Variants in LINGO2 observed in about 807,000 individuals in gnomAD.
LINGO2 encodes leucine rich repeat and Ig domain containing 2.
A neutral mutation model predicts 30.6 loss-of-function variants in LINGO2; 14 were observed. That is an observed-to-expected ratio of 0.46 (90% CI 0.30 to 0.72). LINGO2 has a LOEUF of 0.72. LINGO2 is among the 30% of genes least tolerant of loss of function. The pLI is 0.07. For synonymous variants in LINGO2, 317 were observed against 288.5 expected, an observed-to-expected ratio of 1.10 and a Z score of -1.00; for missense variants, 729 against 751.7, an observed-to-expected ratio of 0.97 and a Z score of 0.35.
intron 4 of LINGO2, among the ~76,000 whole-genome samples, chr9:28,106,597 G>A (rs1586998055): frequency 6.6e-6 from 1 of 152,064 alleles, no homozygotes; most frequent in South Asian, 2.1e-4. Context: ...CAAGTTTACT[G>A]CTCTAGTCTT....
At chr9:28,579,061 C>T (rs1039729907) in intron 1 of LINGO2, among the ~76,000 whole-genome samples, 1 of 150,134 alleles carries the variant, frequency 6.7e-6, no homozygotes, top group South Asian at 2.1e-4. Context: ...CATAAGAGCT[C>T]TTTTTTTTTT....
At chr9:28,559,958 T>A (rs528341486) in intron 1 of LINGO2, among the ~76,000 whole-genome samples, 1 of 151,704 alleles carries the variant, frequency 6.6e-6, no homozygotes, top group Non-Finnish European at 1.5e-5. Flanking sequence ...CATCTGTACA[T>A]AGAGTAGAGG....
chr9:28,068,820 C>G (rs937205347), intron 4 of LINGO2, among the ~76,000 whole-genome samples: 15 of 152,084 alleles, frequency 9.9e-5, no homozygotes, highest in Non-Finnish European at 1.6e-4. Context: ...TACAATGCAA[C>G]AAGGTACTAT....
At chr9:28,513,067 C>T (rs1362291349) in intron 1 of LINGO2, among the ~76,000 whole-genome samples, 2 of 149,352 alleles carry the variant, frequency 1.3e-5, no homozygotes, top group East Asian at 2.0e-4. Flanking sequence ...CAAGTTGATG[C>T]TCAGTATTAA....
chr9:28,896,819 T>C, the LINGO2 span, among the ~76,000 whole-genome samples: 1 of 152,122 alleles, frequency 6.6e-6, no homozygotes, highest in Non-Finnish European at 1.5e-5. Flanking sequence ...GCCATTATGT[T>C]GCCCTATCTC....
At chr9:28,062,406 A>G (rs1825171989) in intron 4 of LINGO2, among the ~76,000 whole-genome samples, 1 of 146,670 alleles carries the variant, frequency 6.8e-6, no homozygotes, top group Admixed American at 6.8e-5. Flanking sequence ...TATATCACAT[A>G]TATACTATAT....
At chr9:29,133,160 T>A in the LINGO2 span, among the ~76,000 whole-genome samples, 8 of 152,196 alleles carry the variant, frequency 5.3e-5, no homozygotes. Flanking sequence ...AAGTACTCAA[T>A]AAGCATCTTC....
the LINGO2 span, among the ~76,000 whole-genome samples, chr9:29,183,329 A>G: frequency 2.0e-5 from 3 of 152,202 alleles, no homozygotes; most frequent in Non-Finnish European, 4.4e-5. Context: ...ATGTCCCAAC[A>G]TCACTCTGAT....
At chr9:28,404,960 C>A (rs970658749) in intron 2 of LINGO2, among the ~76,000 whole-genome samples, 7 of 150,352 alleles carry the variant, frequency 4.7e-5, no homozygotes, top group African/African-American at 7.3e-5. Flanking sequence ...TTTGAGCTTG[C>A]CATATAAACC....
At chr9:28,955,170 G>A in the LINGO2 span, among the ~76,000 whole-genome samples, 298 of 139,168 alleles carry the variant, frequency 2.1e-3, 4 homozygotes, top group African/African-American at 7.4e-3. Flanking sequence ...TCATAGAGTC[G>A]AAATAGAGAG....
chr9:28,576,972 G>C, intron 1 of LINGO2, among the ~76,000 whole-genome samples: 1 of 152,136 alleles, frequency 6.6e-6, no homozygotes, highest in East Asian at 1.9e-4. Flanking sequence ...AAATTATGAT[G>C]GTGACAGAGA....
chr9:29,047,051 A>AAAAAAAAAAAAAAAAACC, the LINGO2 span, among the ~76,000 whole-genome samples: 1 of 106,908 alleles, frequency 9.4e-6, no homozygotes, highest in Non-Finnish European at 2.0e-5. Context: ...AAAAAAAAAA[A>AAAAAAAAAAAAAAAAACC]CCAAAAACAA....
chr9:29,027,234 A>G, the LINGO2 span, among the ~76,000 whole-genome samples: 3 of 152,238 alleles, frequency 2.0e-5, no homozygotes, highest in African/African-American at 4.8e-5. Flanking sequence ...TTTATTCAGA[A>G]TATTAAAAAA....
intron 4 of LINGO2, among the ~76,000 whole-genome samples, chr9:28,041,078 C>T (rs948150015): frequency 6.6e-6 from 1 of 152,184 alleles, no homozygotes; most frequent in South Asian, 2.1e-4. Context: ...CTTTGTAAAA[C>T]TGAAGGTCTA....
chr9:28,910,689 G>A, the LINGO2 span, among the ~76,000 whole-genome samples: 1 of 151,996 alleles, frequency 6.6e-6, no homozygotes, highest in Non-Finnish European at 1.5e-5. Context: ...TACCATGATA[G>A]TAAGTTTCTT....
chr9:29,161,731 T>C, the LINGO2 span, among the ~76,000 whole-genome samples: 1 of 152,140 alleles, frequency 6.6e-6, no homozygotes, highest in Non-Finnish European at 1.5e-5. Context: ...TGAAGGATAC[T>C]AATCATAGAA....
chr9:28,065,837 T>A (rs561632056), intron 4 of LINGO2, among the ~76,000 whole-genome samples: 1 of 152,148 alleles, frequency 6.6e-6, no homozygotes, highest in African/African-American at 2.4e-5. Flanking sequence ...GTGGCATTGG[T>A]GATAACAAAG....
intron 4 of LINGO2, among the ~76,000 whole-genome samples, chr9:28,281,761 T>G (rs534899925): frequency 2.7e-5 from 4 of 150,930 alleles, no homozygotes; most frequent in Admixed American, 2.6e-4. Flanking sequence ...ATCTGGCAGA[T>G]AGTTTACATC....
chr9:28,078,672 C>A (rs557772951), intron 4 of LINGO2, among the ~76,000 whole-genome samples: 6 of 147,866 alleles, frequency 4.1e-5, no homozygotes, highest in Non-Finnish European at 7.4e-5. Flanking sequence ...CATGGAGAAA[C>A]GCCGTCTCTA....
Sources: gnomAD v4.1 joint callset for allele counts (sites outside exome capture counted in the v4.1 genomes callset) on GRCh38, gnomAD v4.1.1 for gene constraint, MANE v1.5 for transcripts, NCBI Gene and HGNC (gene_info 2026-07-23, HGNC 2026-07-21) for gene names.